SEC14L1: variants seen among roughly 807,000 people sequenced by gnomAD.
SEC14L1 encodes SEC14-like protein 1.
A neutral mutation model predicts 85.3 loss-of-function variants in SEC14L1; 48 were observed. That is an observed-to-expected ratio of 0.56 (90% confidence interval 0.45 to 0.72). The LOEUF is 0.72. Among genes scored for constraint, SEC14L1 ranks in the 30% least tolerant of loss-of-function variants. The pLI, the probability that SEC14L1 is intolerant of heterozygous loss-of-function variation, is 0.00. For synonymous variants in SEC14L1, 391 were observed against 355.5 expected, an observed-to-expected ratio of 1.10 and a Z score of -1.12; for missense variants, 682 against 921.4, an observed-to-expected ratio of 0.74 and a Z score of 3.36.
intron 2 of SEC14L1, among the ~76,000 whole-genome samples, chr17:77,091,191 G>A (rs1237985246): frequency 6.6e-6 from 1 of 152,062 alleles, no homozygotes; most frequent in Non-Finnish European, 1.5e-5. Context: ...AGATTCAAGC[G>A]ATTCTCCTGC....
intron 3 of SEC14L1, chr17:77,185,084 G>A (rs1975207592): frequency 2.5e-6 from 1 of 395,734 alleles, no homozygotes; most frequent in South Asian, 1.1e-4. Context: ...ACAAAAGGCA[G>A]GACTTATCTT....
chr17:77,205,495 A>G, intron 11 of SEC14L1, 149 bp downstream of exon 11: 1 of 726,418 alleles, frequency 1.4e-6, no homozygotes, highest in Non-Finnish European at 2.3e-6. Context: ...GCCAGTGACG[A>G]GGGACAGACA....
rs1234628010 is a variant in SEC14L1, at chr17:77,190,970, C to G, written c.213+18C>G. On this transcript the variant is annotated intron_variant, in intron 4 of 16. Transcript: ENST00000436233. ...TGAAGAAGGTAAAGGTCGGAAAGGACGTCTTGGAGGGAAAGGGCGTCCTGG... is the reference window on the plus strand; with the variant it reads ...TGAAGAAGGTAAAGGTCGGAAAGGAGGTCTTGGAGGGAAAGGGCGTCCTGG... 3 of 1,612,070 alleles carry G rather than the reference C, an allele frequency of 1.9e-6. No homozygotes were observed. Among genetic ancestry groups the G allele is most frequent in the African/African-American group, 1.3e-5 (1 of 74,800 alleles).
intron 3 of SEC14L1, among the ~76,000 whole-genome samples, chr17:77,103,364 C>T (rs1015352015): frequency 2.6e-5 from 4 of 152,006 alleles, no homozygotes; most frequent in Non-Finnish European, 5.9e-5. Context: ...CCACCTGCCT[C>T]GGCCTCCCAA....
Position 77,200,573 on chromosome 17 carries a change from G to A in SEC14L1, c.909G>A (p.Thr303=), listed in dbSNP as rs757371256. 13 of 1,613,906 alleles carry A rather than the reference G, an allele frequency of 8.1e-6. No individual in the cohort carries two copies. Among genetic ancestry groups the A allele is most frequent in the Non-Finnish European group, 8.5e-6 (10 of 1,179,910 alleles). ...KAREIMCQSL[T]WRKQHQVDYI... is the part of the protein sequence containing the mutation. ...GAGAGATCATGTGTCAGTCTTTGAC[G>A]TGGAGAAAGCAGCATCAGGTAGACT... The change falls in exon 9 of 17, where the codon ACG becomes ACA. Residue 303 remains threonine (T), a synonymous_variant. Transcript: ENST00000436233.
chr17:77,104,504 G>T (rs72882048), intron 3 of SEC14L1, among the ~76,000 whole-genome samples: 39,307 of 141,948 alleles, frequency 0.28, 5,494 homozygotes, highest in South Asian at 0.48. Context: ...GAAAGTTTAT[G>T]TTTTTGGCCT....
At chr17:77,207,651 C>T (rs1184000197) in intron 13 of SEC14L1, among the ~76,000 whole-genome samples, 1 of 152,130 alleles carries the variant, frequency 6.6e-6, no homozygotes, top group East Asian at 1.9e-4. Flanking sequence ...GGGGTTTCAC[C>T]ATGTCAGCCA....
intron 3 of SEC14L1, among the ~76,000 whole-genome samples, chr17:77,095,264 G>A (rs1408876195): frequency 6.6e-6 from 1 of 152,184 alleles, no homozygotes; most frequent in East Asian, 1.9e-4. Context: ...TTATCACCCC[G>A]AGGAGAGTGC....
intron 8 of SEC14L1, among the ~76,000 whole-genome samples, 167 bp from the exon 9 acceptor site, chr17:77,200,317 C>T (rs1011181572): frequency 2.0e-5 from 3 of 152,050 alleles, no homozygotes; most frequent in Non-Finnish European, 4.4e-5. Context: ...TACAGGCATG[C>T]ACCACCATGC....
chr17:77,107,169 G>A (rs535796458), intron 3 of SEC14L1, among the ~76,000 whole-genome samples: 2 of 152,300 alleles, frequency 1.3e-5, no homozygotes, highest in Non-Finnish European at 2.9e-5. Context: ...ACAGGGGAAA[G>A]AACAAAGAGC....
intron 3 of SEC14L1, among the ~76,000 whole-genome samples, chr17:77,149,856 G>GTTTTTTTTTTT (rs201022692): frequency 3.2e-5 from 4 of 123,928 alleles, no homozygotes; most frequent in African/African-American, 8.7e-5. Context: ...GCTGATTTGT[G>GTTTTTTTTTTT]TTTTTTTTTT....
intron 3 of SEC14L1, among the ~76,000 whole-genome samples, chr17:77,115,602 G>C (rs1159800366): frequency 6.6e-6 from 1 of 152,176 alleles, no homozygotes; most frequent in East Asian, 1.9e-4. Context: ...CCTTCATTCT[G>C]GGTGGCTGCT....
intron 2 of SEC14L1, chr17:77,089,336 G>A (rs1336067728): frequency 2.0e-6 from 1 of 511,386 alleles, no homozygotes; most frequent in Non-Finnish European, 3.9e-6. Context: ...CTGTGTTGTT[G>A]AGCCTGCCAA....
intron 3 of SEC14L1, among the ~76,000 whole-genome samples, chr17:77,098,451 G>A (rs926774410): frequency 2.0e-5 from 3 of 151,748 alleles, no homozygotes; most frequent in Admixed American, 6.6e-5. Flanking sequence ...GTAAGCCATC[G>A]TCGTGCCACT....
At chr17:77,187,375 C>G (rs1598364864) in intron 3 of SEC14L1, among the ~76,000 whole-genome samples, 1 of 152,056 alleles carries the variant, frequency 6.6e-6, no homozygotes, top group East Asian at 1.9e-4. Context: ...CCTATGCCCC[C>G]CCCCCACACC....
chr17:77,154,648 G>GTTTTTTT (rs1169954219), intron 3 of SEC14L1, among the ~76,000 whole-genome samples: 3 of 81,824 alleles, frequency 3.7e-5, no homozygotes, highest in Admixed American at 1.1e-4. Context: ...TTTTTTTTTG[G>GTTTTTTT]TTTTTTTTTA....
chr17:77,207,720 G>A (rs1049893886), intron 13 of SEC14L1, among the ~76,000 whole-genome samples: 4 of 152,102 alleles, frequency 2.6e-5, no homozygotes, highest in Non-Finnish European at 4.4e-5. Flanking sequence ...CCAAAGTGCC[G>A]GGATTACAGG....
intron 5 of SEC14L1, among the ~76,000 whole-genome samples, chr17:77,192,022 C>A (rs1385755496): frequency 6.6e-6 from 1 of 152,184 alleles, no homozygotes; most frequent in Non-Finnish European, 1.5e-5. Context: ...GTCTCCAACT[C>A]CTGACCTCAT....
chr17:77,102,705 T>A (rs1430945593), intron 3 of SEC14L1, among the ~76,000 whole-genome samples: 1 of 152,106 alleles, frequency 6.6e-6, no homozygotes, highest in African/African-American at 2.4e-5. Context: ...GGTTTCACCA[T>A]GTTGGCCAGG....
Sources: allele counts gnomAD v4.1 joint callset (sites outside exome capture counted in the v4.1 genomes callset), GRCh38; gene constraint gnomAD v4.1.1; transcripts MANE v1.5; gene names NCBI Gene and HGNC (gene_info 2026-07-23, HGNC 2026-07-21).